The following PTPRU variants were observed in gnomAD, a reference collection of about 807,000 sequenced individuals.
PTPRU encodes the protein protein tyrosine phosphatase receptor type U.
Under a neutral mutation model 166.3 loss-of-function variants are expected in PTPRU, and 69 were observed. The ratio of observed to expected loss-of-function variants is 0.41; its 90% CI spans 0.34 to 0.51. The LOEUF is 0.51. Among genes scored for constraint, PTPRU ranks in the 20% least tolerant of loss-of-function variants. PTPRU has a pLI of 0.09. For synonymous variants in PTPRU, 793 were observed against 814.0 expected, an observed-to-expected ratio of 0.97 and a Z score of 0.44; for missense variants, 1,657 against 2,013.7, an observed-to-expected ratio of 0.82 and a Z score of 3.39.
chr1:29,283,730 T>C, intron 12 of PTPRU: 1 of 588,766 alleles, frequency 1.7e-6, no homozygotes, highest in Non-Finnish European at 3.0e-6. Context: ...TCCGATCTCA[T>C]CCCCCTTTCC....
In PTPRU at chr1:29,259,900, G is replaced by A. The variant is rs1225932590; in HGVS notation, c.706G>A (p.Gly236Ser). 1 of 1,532,200 alleles carries A rather than the reference G, an allele frequency of 6.5e-7. No homozygotes were observed. Among genetic ancestry groups the A allele is most frequent in the Admixed American group, 2.0e-5 (1 of 50,852 alleles). 94.9% of individuals were successfully genotyped at this position (1,532,200 alleles called of 1,614,324 possible). A position where few individuals can be genotyped will look rare whatever the true frequency, so the allele number is the denominator to read the frequency against. ...GAGCGGGGCGCTGGTGCCGGCGGCG[G>A]GCGTGCGGCACATCAGCCACCGGCG... is the stretch of plus-strand genomic sequence containing the variant. ...RQSGALVPAAGVRHISHRRFL... is the reference protein window; with the variant it reads ...RQSGALVPAASVRHISHRRFL... Residue 236 changes from glycine to serine, a missense_variant, in exon 6 of 30, where the codon GGC becomes AGC. Gly to Ser is a moderately conservative substitution (Grantham distance 56). Coordinates refer to ENST00000373779, the MANE Select transcript of PTPRU (RefSeq NM_133178.4).
At chr1:29,282,985 G>T (rs1299273162) in intron 12 of PTPRU, 36 bp downstream of exon 12, 3 of 1,584,178 alleles carry the variant, frequency 1.9e-6, no homozygotes, top group Non-Finnish European at 1.7e-6. Flanking sequence ...GGGCGTGGTT[G>T]GGTGTGGGGG....
chr1:29,280,015 T>A lies in PTPRU; in HGVS notation c.1766-24T>A. 1 of 1,596,650 alleles carries A rather than the reference T, an allele frequency of 6.3e-7. No homozygotes were observed. The highest frequency in any genetic ancestry group is 1.1e-5 in the South Asian group (1 of 90,610). ...CCTGGTCCAGTGGCCAAGCTCCAGCTTGTGACCCTGTCCCCTTCTCCAGCT... is the reference window on the plus strand; with the variant it reads ...CCTGGTCCAGTGGCCAAGCTCCAGCATGTGACCCTGTCCCCTTCTCCAGCT... On this transcript the variant is annotated intron_variant, in intron 10 of 29. Coordinates refer to ENST00000373779, the MANE Select transcript of PTPRU (RefSeq NM_133178.4). The surrounding 1 kb of genome is among the most constrained non-coding windows in gnomAD (Gnocchi z 4.2).
intron 1 of PTPRU, among the ~76,000 whole-genome samples, chr1:29,243,245 T>G (rs1024907676): frequency 6.6e-6 from 1 of 152,114 alleles, no homozygotes; most frequent in Admixed American, 6.5e-5. Flanking sequence ...TGGAATAAGC[T>G]TCTAAGGCAG....
intron 1 of PTPRU, among the ~76,000 whole-genome samples, chr1:29,240,404 A>G (rs957452343): frequency 2.0e-5 from 3 of 152,184 alleles, no homozygotes; most frequent in African/African-American, 7.2e-5. Context: ...GAATAAATAT[A>G]TATGGCCTGA....
At chr1:29,301,796 A>C (rs1687146933) in intron 15 of PTPRU, among the ~76,000 whole-genome samples, 1 of 151,780 alleles carries the variant, frequency 6.6e-6, no homozygotes, top group South Asian at 2.1e-4. Flanking sequence ...AAGTGTTCTC[A>C]TTGTTCAATT....
intron 15 of PTPRU, among the ~76,000 whole-genome samples, chr1:29,298,367 C>T (rs915620743): frequency 6.6e-6 from 1 of 152,120 alleles, no homozygotes; most frequent in Non-Finnish European, 1.5e-5. Context: ...CCTCCACTTG[C>T]TGGTCTGCCT....
In PTPRU at chr1:29,311,020, T is replaced by A. The variant is rs1687630217; in HGVS notation, c.2857+240T>A. Among the ~76,000 whole-genome samples, 1 of 152,166 alleles carries A rather than the reference T, an allele frequency of 6.6e-6. No homozygotes were observed. Among genetic ancestry groups the A allele is most frequent in the Non-Finnish European group, 1.5e-5 (1 of 68,024 alleles). Reference sequence around the variant, plus strand: ...GTGTCTCCCTGATGTGCTCAGTCCATCTGTTGCTCCTGGTCTACCTGCCTG... The same window carrying A: ...GTGTCTCCCTGATGTGCTCAGTCCAACTGTTGCTCCTGGTCTACCTGCCTG... On this transcript the variant is annotated intron_variant, in intron 19 of 29. Coordinates refer to ENST00000373779, the MANE Select transcript of PTPRU (RefSeq NM_133178.4). The surrounding 1 kb of genome is among the most constrained non-coding windows in gnomAD (Gnocchi z 4.1).
At position 29,275,596 on chromosome 1, in the gene PTPRU, C is replaced by T. The variant is rs1685758332; in HGVS notation, c.1293C>T (p.His431=). The change falls in exon 8 of 30, where the codon CAC becomes CAT. Residue 431 remains histidine, a synonymous_variant. Coordinates refer to ENST00000373779, the MANE Select transcript of PTPRU (RefSeq NM_133178.4). The part of the protein sequence containing the change: ...LCYHYTLGSS[H]NQTIRECVKT... ...ATCACTACACCCTGGGCAGCAGCCA[C>T]AACCAGACCATCCGAGAGTGTGTGA... is the stretch of plus-strand genomic sequence containing the variant. 6.2e-7 allele frequency: 1 copy of T among 1,614,220 alleles called. No homozygotes were observed. Among genetic ancestry groups the T allele is most frequent in the Admixed American group, 1.7e-5 (1 of 60,024 alleles).
Position 29,279,707 on chromosome 1 carries a change from C to T in PTPRU, c.1765+50C>T, listed in dbSNP as rs535751308. On this transcript the variant is annotated intron_variant, in intron 10 of 29. Coordinates refer to ENST00000373779, the MANE Select transcript of PTPRU (RefSeq NM_133178.4). This position sits in a 1 kb window ranked among gnomAD's most constrained non-coding sequence, Gnocchi z 5.2. ...GCCTCTTCGGAGGTGGCCCAGAATCCCAGGGTTCCATGGGCAGAAGGGAAA... is the reference window on the plus strand; with the variant it reads ...GCCTCTTCGGAGGTGGCCCAGAATCTCAGGGTTCCATGGGCAGAAGGGAAA... 3.1e-5 allele frequency: 49 copies of T among 1,581,526 alleles called. 1 individual carries two copies. In the South Asian group the frequency reaches 4.6e-4, roughly 15 times the overall value.
chr1:29,310,264 G>T (rs1285795325), intron 18 of PTPRU, among the ~76,000 whole-genome samples: 1 of 152,184 alleles, frequency 6.6e-6, no homozygotes, highest in Non-Finnish European at 1.5e-5. Flanking sequence ...AGTGACTGAG[G>T]AGTAAGGGGG....
At chr1:29,255,237 C>T (rs1314202772) in intron 1 of PTPRU, 38 bp from the exon 2 acceptor site, 1 of 1,598,818 alleles carries the variant, frequency 6.3e-7, no homozygotes, top group Non-Finnish European at 8.6e-7. Flanking sequence ...GCCAGCAGCC[C>T]TGCCTTAGCC....
chr1:29,290,275 C>T (rs1686565596), intron 14 of PTPRU, among the ~76,000 whole-genome samples: 1 of 152,212 alleles, frequency 6.6e-6, no homozygotes, highest in African/African-American at 2.4e-5. Flanking sequence ...CTGGGCCAAG[C>T]CCTGTGCTCA....
chr1:29,269,426 G>C (rs1275380993), intron 7 of PTPRU, among the ~76,000 whole-genome samples: 1 of 151,226 alleles, frequency 6.6e-6, no homozygotes. Context: ...AGCAGCAGCA[G>C]CTGCTGCTGC....
intron 1 of PTPRU, among the ~76,000 whole-genome samples, chr1:29,254,676 C>T (rs896621241): frequency 1.3e-5 from 2 of 152,166 alleles, no homozygotes; most frequent in Non-Finnish European, 2.9e-5. Flanking sequence ...AGTGGATTGG[C>T]GGCAACTGTT....
intron 1 of PTPRU, among the ~76,000 whole-genome samples, chr1:29,245,101 C>T (rs1684234191): frequency 6.6e-6 from 1 of 152,170 alleles, no homozygotes; most frequent in South Asian, 2.1e-4. Context: ...TCTATCTCTC[C>T]TCTGTCCTGC....
chr1:29,273,360 C>A (rs1192926617), intron 7 of PTPRU, among the ~76,000 whole-genome samples: 1 of 152,108 alleles, frequency 6.6e-6, no homozygotes, highest in African/African-American at 2.4e-5. Flanking sequence ...CCTCAACCTC[C>A]CAGGTTTAAG....
intron 26 of PTPRU, among the ~76,000 whole-genome samples, chr1:29,321,597 T>C (rs999697609): frequency 4.6e-5 from 7 of 152,122 alleles, no homozygotes; most frequent in African/African-American, 1.4e-4. Flanking sequence ...CGAGGTAGAG[T>C]ACAATTCAAG....
chr1:29,270,552 G>A (rs1685517246), intron 7 of PTPRU, among the ~76,000 whole-genome samples: 1 of 152,100 alleles, frequency 6.6e-6, no homozygotes, highest in African/African-American at 2.4e-5. Flanking sequence ...ATCCTGCCTT[G>A]GCTTCCCAAA....
Sources: allele counts gnomAD v4.1 joint callset (sites outside exome capture counted in the v4.1 genomes callset), GRCh38; gene constraint gnomAD v4.1.1; non-coding constraint Gnocchi (gnomAD v3.1); transcripts MANE v1.5; gene names NCBI Gene and HGNC (gene_info 2026-07-23, HGNC 2026-07-21).